The following ENTREP2 variants were observed in gnomAD, a reference collection of about 807,000 sequenced individuals.
ENTREP2 encodes the protein endosomal transmembrane epsin interactor 2.
the ENTREP2 span, among the ~76,000 whole-genome samples, chr15:29,603,553 G>C: frequency 6.6e-6 from 1 of 152,158 alleles, no homozygotes; most frequent in Non-Finnish European, 1.5e-5. Flanking sequence ...GGGGGCAAGA[G>C]AGAACCCTGG....
the ENTREP2 span, chr15:29,374,950 T>A: frequency 2.6e-4 from 39 of 152,184 alleles, no homozygotes. Context: ...CCTCCATGTG[T>A]CTACTTAACT....
At chr15:29,442,451 T>C in the ENTREP2 span, among the ~76,000 whole-genome samples, 1 of 152,190 alleles carries the variant, frequency 6.6e-6, no homozygotes, top group African/African-American at 2.4e-5. Context: ...ATTCTAATTT[T>C]TATTCTTGGA....
At chr15:29,445,544 C>CCA in the ENTREP2 span, among the ~76,000 whole-genome samples, 6 of 152,198 alleles carry the variant, frequency 3.9e-5, no homozygotes, top group African/African-American at 1.4e-4. Flanking sequence ...TGGAGAGCTT[C>CCA]CAGTTGCTGA....
chr15:29,218,580 A>G, the ENTREP2 span, among the ~76,000 whole-genome samples: 1 of 152,236 alleles, frequency 6.6e-6, no homozygotes, highest in African/African-American at 2.4e-5. Flanking sequence ...ATAAAGCCAC[A>G]GTCACCAAAA....
At chr15:29,570,972 T>G in the ENTREP2 span, among the ~76,000 whole-genome samples, 1 of 143,550 alleles carries the variant, frequency 7.0e-6, no homozygotes, top group East Asian at 2.1e-4. Context: ...CGCGCCGCGC[T>G]GCGCCCTCCC....
the ENTREP2 span, among the ~76,000 whole-genome samples, chr15:29,140,703 C>T: frequency 6.6e-6 from 1 of 152,208 alleles, no homozygotes; most frequent in Non-Finnish European, 1.5e-5. Flanking sequence ...AGTGGGCAGC[C>T]ACCCCTCCCC....
At chr15:29,596,429 C>T in the ENTREP2 span, among the ~76,000 whole-genome samples, 11 of 152,126 alleles carry the variant, frequency 7.2e-5, no homozygotes, top group African/African-American at 2.7e-4. Flanking sequence ...TCCCAGTATA[C>T]GTGTACGGTG....
At chr15:29,150,419 T>C in the ENTREP2 span, among the ~76,000 whole-genome samples, 1 of 152,250 alleles carries the variant, frequency 6.6e-6, no homozygotes, top group African/African-American at 2.4e-5. Context: ...ACTTTTAGCA[T>C]TTACATGCCT....
At chr15:29,559,955 G>A in the ENTREP2 span, among the ~76,000 whole-genome samples, 2 of 152,106 alleles carry the variant, frequency 1.3e-5, no homozygotes, top group Non-Finnish European at 2.9e-5. Context: ...TTAGACGTTG[G>A]GTTAGTCCCA....
chr15:29,624,871 TTGTG>T, the ENTREP2 span, among the ~76,000 whole-genome samples: 4,253 of 143,642 alleles, frequency 0.03, 131 homozygotes, highest in African/African-American at 0.078. Flanking sequence ...CTGCATTAAT[TTGTG>T]TGTGTGTGTG....
the ENTREP2 span, among the ~76,000 whole-genome samples, chr15:29,181,688 TG>T: frequency 6.6e-6 from 1 of 152,316 alleles, no homozygotes; most frequent in Non-Finnish European, 1.5e-5. Context: ...TGTATGAATG[TG>T]TATATACATA....
chr15:29,329,247 C>T, the ENTREP2 span, among the ~76,000 whole-genome samples: 7 of 152,038 alleles, frequency 4.6e-5, no homozygotes, highest in African/African-American at 1.7e-4. Context: ...CCTGTAGTCC[C>T]AGCTCCTCGG....
chr15:29,523,457 A>C, the ENTREP2 span, among the ~76,000 whole-genome samples: 1 of 152,160 alleles, frequency 6.6e-6, no homozygotes, highest in Non-Finnish European at 1.5e-5. Flanking sequence ...GCTTAAAGAA[A>C]AGACATCCCA....
At chr15:29,193,254 T>C in the ENTREP2 span, among the ~76,000 whole-genome samples, 5 of 152,122 alleles carry the variant, frequency 3.3e-5, no homozygotes, top group African/African-American at 9.7e-5. Context: ...CCAGAGGAGA[T>C]TGGTGTGTGA....
the ENTREP2 span, among the ~76,000 whole-genome samples, chr15:29,175,427 G>A: frequency 5.7e-3 from 868 of 152,322 alleles, 9 homozygotes; most frequent in African/African-American, 0.019. Flanking sequence ...GGCTCCTGCA[G>A]ACAAATTCAG....
At chr15:29,515,239 C>A in the ENTREP2 span, among the ~76,000 whole-genome samples, 1 of 152,140 alleles carries the variant, frequency 6.6e-6, no homozygotes, top group Non-Finnish European at 1.5e-5. Context: ...TGAGTCCTGA[C>A]CCGAGGACTG....
chr15:29,147,886 C>G, the ENTREP2 span, among the ~76,000 whole-genome samples: 3 of 152,240 alleles, frequency 2.0e-5, no homozygotes, highest in African/African-American at 7.2e-5. Context: ...AGAAGGCAAA[C>G]AGCCCATATG....
chr15:29,653,496 C>G, the ENTREP2 span, among the ~76,000 whole-genome samples: 1 of 152,182 alleles, frequency 6.6e-6, no homozygotes, highest in African/African-American at 2.4e-5. Context: ...GTAACTGAAT[C>G]ATGGGGCAGT....
chr15:29,260,456 T>A, the ENTREP2 span, among the ~76,000 whole-genome samples: 1 of 152,182 alleles, frequency 6.6e-6, no homozygotes, highest in South Asian at 2.1e-4. Flanking sequence ...CGTGACCAAG[T>A]GGGATTTACT....
Sources: gnomAD v4.1 joint callset for allele counts (sites outside exome capture counted in the v4.1 genomes callset) on GRCh38, gnomAD v4.1.1 for gene constraint, MANE v1.5 for transcripts, NCBI Gene and HGNC (gene_info 2026-07-23, HGNC 2026-07-21) for gene names.